The following ZFR2 variants were observed in gnomAD, a reference collection of about 807,000 sequenced individuals.
The protein encoded by ZFR2 is zinc finger RNA binding protein 2.
A neutral mutation model predicts 105.7 loss-of-function variants in ZFR2; 104 were observed. That is an observed-to-expected ratio of 0.98 (90% CI 0.84 to 1.16). The LOEUF is 1.16. Ranked by LOEUF, ZFR2 falls within the 50% of genes most tolerant of loss-of-function variation. The probability of loss-of-function intolerance (pLI) is 0.00; values close to 1 mark genes in which losing one functional copy is unlikely to be tolerated. For synonymous variants in ZFR2, 634 were observed against 597.7 expected (o/e 1.06, Z -0.89); for missense variants, 1,425 against 1,355.5 (o/e 1.05, Z -0.80).
intron 12 of ZFR2, 48 bp from the exon 13 acceptor site, chr19:3,816,893 G>T: frequency 6.7e-7 from 1 of 1,501,370 alleles, no homozygotes; most frequent in South Asian, 1.3e-5. Context: ...AGAGACGCGG[G>T]GTACCCCAGC....
chr19:3,831,629 A>T, intron 4 of ZFR2, 31 bp downstream of exon 4: 1 of 1,522,330 alleles, frequency 6.6e-7, no homozygotes, highest in East Asian at 2.4e-5. Flanking sequence ...ACCGACGGGC[A>T]GACCACCTGG....
Position 3,841,897 on chromosome 19 carries a change from G to A in ZFR2, c.54-6914C>T, listed in dbSNP as rs769558926. On this transcript the variant is annotated intron_variant, in intron 1 of 18. Transcript: ENST00000262961. Reference sequence around the variant, plus strand: ...CACCTCCCAGTTTCAAGCAATTCTCGTGCCTCAGCCTCCCAAGTAGCTAGG... The same window carrying A: ...CACCTCCCAGTTTCAAGCAATTCTCATGCCTCAGCCTCCCAAGTAGCTAGG... Among the ~76,000 whole-genome samples, 11 of 151,822 alleles carry A rather than the reference G, an allele frequency of 7.2e-5. No individual in the cohort carries two copies. The East Asian group carries it at 1.6e-3, about 22-fold the overall frequency.
intron 18 of ZFR2, among the ~76,000 whole-genome samples, chr19:3,806,844 G>T (rs1212318899): frequency 1.3e-5 from 2 of 152,228 alleles, no homozygotes; most frequent in African/African-American, 4.8e-5. Context: ...CACAGGTGAG[G>T]GCTGGGCAGG....
At position 3,823,353 on chromosome 19, in the gene ZFR2, C is replaced by T; in HGVS notation, c.1264G>A (p.Ala422Thr). The change falls in exon 8 of 19, where the codon GCC becomes ACC. Residue 422 changes from alanine to threonine, a missense_variant. Ala to Thr is a moderately conservative substitution (Grantham distance 58, BLOSUM62 0). Coordinates refer to ENST00000262961, the MANE Select transcript of ZFR2 (RefSeq NM_015174.2). This position sits in a 1 kb window ranked among gnomAD's most constrained non-coding sequence, Gnocchi z 5.4. ...AGCRPQWGKPAQPKLEGPGAP... is the reference protein window; with the variant it reads ...AGCRPQWGKPTQPKLEGPGAP... ...CCGGGACCCTCTAATTTAGGTTGGGCTGGTTTCCCCCACTGGGGTCTGCAG... is the reference window on the plus strand; with the variant it reads ...CCGGGACCCTCTAATTTAGGTTGGGTTGGTTTCCCCCACTGGGGTCTGCAG... The T allele has an allele frequency of 6.2e-7, 1 of 1,613,816 alleles. No homozygotes were observed. The highest frequency in any genetic ancestry group is 1.3e-5 in the African/African-American group (1 of 75,064).
intron 17 of ZFR2, among the ~76,000 whole-genome samples, chr19:3,808,115 C>T (rs2037721589): frequency 7.7e-6 from 1 of 129,944 alleles, no homozygotes; most frequent in African/African-American, 2.9e-5. Context: ...GTGCTCATAT[C>T]CATATGTGTG....
At chr19:3,819,326 GCCAGC>G in intron 11 of ZFR2, 91 bp from the exon 12 acceptor site, 1 of 1,182,368 alleles carries the variant, frequency 8.5e-7, no homozygotes, top group South Asian at 1.6e-5. Context: ...GGTGGCCGTG[GCCAGC>G]CAGGTTACGA....
Position 3,869,032 on chromosome 19 carries a change from C to G in ZFR2, c.-15G>C, listed in dbSNP as rs780605617. On this transcript the variant is annotated 5_prime_UTR_variant, in exon 1 of 19. Coordinates refer to ENST00000262961, the MANE Select transcript of ZFR2 (RefSeq NM_015174.2). ...CTCGTCGCCATCTTGGCGTCTTCCC[C>G]GAGCCTGGCGGACCCGCGACGTCAC... is the stretch of plus-strand genomic sequence containing the variant. 2.3e-5 allele frequency: 31 copies of G among 1,345,462 alleles called. No homozygotes were observed. In the South Asian group the frequency reaches 4.3e-4, roughly 19 times the overall value. The allele number at this position is 1,345,462 out of a possible 1,614,324, so 83.3% of individuals were successfully genotyped here.
chr19:3,807,822 G>C (rs572300655), intron 17 of ZFR2, among the ~76,000 whole-genome samples: 1 of 147,770 alleles, frequency 6.8e-6, no homozygotes, highest in Admixed American at 6.7e-5. Flanking sequence ...ACGTGTGCCT[G>C]TATGTGCACT....
At chr19:3,829,702 A>T (rs1377155773) in intron 5 of ZFR2, among the ~76,000 whole-genome samples, 1 of 151,920 alleles carries the variant, frequency 6.6e-6, no homozygotes. Flanking sequence ...TTTTAGAGAC[A>T]GGGTTTCACC....
chr19:3,861,351 G>A (rs1011955053), intron 1 of ZFR2, among the ~76,000 whole-genome samples: 1 of 152,174 alleles, frequency 6.6e-6, no homozygotes, highest in Admixed American at 6.5e-5. Context: ...GTTGAGCAGA[G>A]CGCGGTGGCT....
At chr19:3,806,463 T>C (rs969980041) in intron 18 of ZFR2, among the ~76,000 whole-genome samples, 34 of 152,220 alleles carry the variant, frequency 2.2e-4, no homozygotes, top group African/African-American at 8.2e-4. Context: ...GGTTTCACCA[T>C]GTTGGCCAGG....
At position 3,811,459 on chromosome 19, in the gene ZFR2, G is replaced by GC. The variant is rs2037764370; in HGVS notation, c.2243-94dup. 3.5e-5 allele frequency: 36 copies of GC among 1,014,232 alleles called. No homozygotes were observed. The South Asian group carries it at 5.5e-4, about 15-fold the overall frequency. 62.8% of individuals were successfully genotyped at this position (1,014,232 alleles called of 1,614,324 possible). A position where few individuals can be genotyped will look rare whatever the true frequency, so the allele number is the denominator to read the frequency against. ...AGGGGCTCAGTTTGGGCCCCTCGAC[G>GC]CTTTTTTTTTTTTGAGACACAGTTT... On this transcript the variant is annotated intron_variant, in intron 14 of 18. Transcript: ENST00000262961.
chr19:3,856,613 C>G (rs999821652), intron 1 of ZFR2, among the ~76,000 whole-genome samples: 2 of 152,146 alleles, frequency 1.3e-5, no homozygotes, highest in Non-Finnish European at 2.9e-5. Context: ...TCTATGGATT[C>G]ACCTGTAAAA....
In ZFR2 at chr19:3,823,131, G is replaced by A. The variant is rs2037912964; in HGVS notation, c.1371+115C>T. 6.8e-7 allele frequency: 1 copy of A among 1,467,194 alleles called. No homozygotes were observed. Among genetic ancestry groups the A allele is most frequent in the African/African-American group, 1.4e-5 (1 of 72,284 alleles). 90.9% of individuals were successfully genotyped at this position (1,467,194 alleles called of 1,614,324 possible). A position where few individuals can be genotyped will look rare whatever the true frequency, so the allele number is the denominator to read the frequency against. On this transcript the variant is annotated intron_variant, in intron 8 of 18. Transcript: ENST00000262961. This position sits in a 1 kb window ranked among gnomAD's most constrained non-coding sequence, Gnocchi z 5.4. ...TGGAGGTCTGGCCTGTGCAGCTCAG[G>A]AACGGGGATGGGTCTGTAAATCTCG...
intron 7 of ZFR2, 70 bp downstream of exon 7, chr19:3,825,160 T>G: frequency 1.4e-6 from 2 of 1,391,470 alleles, no homozygotes; most frequent in Non-Finnish European, 1.9e-6. Context: ...ATGGTAGATT[T>G]TCTCACGAAA....
intron 3 of ZFR2, 113 bp from the exon 4 acceptor site, chr19:3,831,991 C>G (rs903890818): frequency 6.0e-5 from 53 of 880,334 alleles, no homozygotes; most frequent in Non-Finnish European, 2.1e-5. Context: ...TAAGCCAGGA[C>G]CAGAGGCCAG....
intron 1 of ZFR2, chr19:3,855,285 G>A (rs2038283901): frequency 1.2e-6 from 1 of 842,006 alleles, no homozygotes; most frequent in Admixed American, 4.3e-5. Context: ...GAACAAAGGA[G>A]GCCATCTTCT....
chr19:3,844,962 G>C (rs2038172227), intron 1 of ZFR2, among the ~76,000 whole-genome samples: 1 of 152,158 alleles, frequency 6.6e-6, no homozygotes, highest in Non-Finnish European at 1.5e-5. Flanking sequence ...GGTTGCCCCA[G>C]GTGGTCATGG....
In ZFR2 at chr19:3,845,234, A is replaced by T. The variant is rs187331783; in HGVS notation, c.54-10251T>A. Among the ~76,000 whole-genome samples, 10 of 152,224 alleles carry T rather than the reference A, an allele frequency of 6.6e-5. No homozygotes were observed. The East Asian group carries it at 1.7e-3, about 26-fold the overall frequency. Reference sequence around the variant, plus strand: ...ATTAAGTTTAATTCATTTCAACTTAATTCTCTCTTCAAAGACCCTGGCTCT... The same window carrying T: ...ATTAAGTTTAATTCATTTCAACTTATTTCTCTCTTCAAAGACCCTGGCTCT... On this transcript the variant is annotated intron_variant, in intron 1 of 18. Transcript: ENST00000262961.
Sources: allele counts gnomAD v4.1 joint callset (sites outside exome capture counted in the v4.1 genomes callset), GRCh38; gene constraint gnomAD v4.1.1; non-coding constraint Gnocchi (gnomAD v3.1); transcripts MANE v1.5; gene names NCBI Gene and HGNC (gene_info 2026-07-23, HGNC 2026-07-21).